The following TRIP12 variants were observed in gnomAD, a reference collection of about 807,000 sequenced individuals.
TRIP12 encodes the protein thyroid hormone receptor interactor 12, also known as E3 ubiquitin-protein ligase TRIP12.
Under a neutral mutation model 244.2 loss-of-function variants are expected in TRIP12, and 25 were observed. The ratio of observed to expected loss-of-function variants is 0.10; its 90% CI spans 0.07 to 0.14. The LOEUF is 0.14. TRIP12 is among the 10% of genes least tolerant of loss of function. The pLI, the probability that TRIP12 is intolerant of heterozygous loss-of-function variation, is 1.00. For missense variants in TRIP12, 1,677 were observed against 2,486.4 expected (o/e 0.67, Z 6.92); for synonymous variants, 905 against 873.1 (o/e 1.04, Z -0.64).
intron 8 of TRIP12, among the ~76,000 whole-genome samples, chr2:229,824,965 A>G (rs1004912195): frequency 1.3e-5 from 2 of 152,230 alleles, no homozygotes; most frequent in African/African-American, 4.8e-5. Flanking sequence ...CAGTCCCTAA[A>G]AATCAGAAGC....
Position 229,859,053 on chromosome 2 carries a change from G to C in TRIP12, c.746C>G (p.Ser249Cys), listed in dbSNP as rs1415095924. ...AGTGGAGGAGGCCGAGGCTACAGCA[G>C]AAGACGAGGAGGAAGTAGAGGCAGC... ...SSAASTSSSS[S>C]AVASASSTVP... The change falls in exon 4 of 42, where the codon TCT becomes TGT. Residue 249 changes from serine to cysteine, a missense_variant. Coordinates refer to ENST00000675903, the MANE Select transcript of TRIP12 (RefSeq NM_001348323.3). The C allele has an allele frequency of 1.2e-6, 2 of 1,614,204 alleles. No homozygotes were observed. Among genetic ancestry groups the C allele is most frequent in the Admixed American group, 1.7e-5 (1 of 60,018 alleles).
intron 34 of TRIP12, among the ~76,000 whole-genome samples, chr2:229,783,413 G>C (rs148178629): frequency 4.6e-5 from 7 of 152,216 alleles, no homozygotes; most frequent in Non-Finnish European, 8.8e-5. Flanking sequence ...TACAATAATC[G>C]TAAGTGATTT....
chr2:229,832,640 A>T (rs2053745177), intron 6 of TRIP12, among the ~76,000 whole-genome samples: 1 of 152,240 alleles, frequency 6.6e-6, no homozygotes, highest in Non-Finnish European at 1.5e-5. Flanking sequence ...ATCATCATGC[A>T]CATAAGGAAA....
rs562352105 is a variant in TRIP12, at chr2:229,808,327, T to C, written c.2264A>G (p.Asn755Ser). ...ATCAATCTGTTCCTGACAACTTCCA[T>C]TGGAGGCACCACACAGGAGAAAGTG... ...TLHFLLCGAS[N>S]GSCQEQIDLV... The change falls in exon 16 of 42, where the codon AAT becomes AGT. Residue 755 changes from asparagine (N) to serine (S), a missense_variant. Transcript: ENST00000675903. 44 of 1,613,646 alleles carry C rather than the reference T, an allele frequency of 2.7e-5. No individual in the cohort carries two copies. The highest frequency in any genetic ancestry group is 6.7e-5 in the East Asian group (3 of 44,896).
At chr2:229,849,477 G>A (rs895689990) in intron 4 of TRIP12, among the ~76,000 whole-genome samples, 13 of 151,850 alleles carry the variant, frequency 8.6e-5, no homozygotes, top group African/African-American at 2.9e-4. Flanking sequence ...ATCAACAAAG[G>A]GACATATAAA....
At chr2:229,821,693 C>T (rs1046649353) in intron 8 of TRIP12, among the ~76,000 whole-genome samples, 1 of 152,030 alleles carries the variant, frequency 6.6e-6, no homozygotes, top group Non-Finnish European at 1.5e-5. Flanking sequence ...AGTATAAAAA[C>T]AAGCAGGAGC....
At chr2:229,827,279 C>CAAAAAAAAAAAAAAAAAAAA (rs944363768) in intron 8 of TRIP12, among the ~76,000 whole-genome samples, 1 of 122,298 alleles carries the variant, frequency 8.2e-6, no homozygotes, top group South Asian at 2.5e-4. Flanking sequence ...AACTCCGTCT[C>CAAAAAAAAAAAAAAAAAAAA]AAAAAAAAAA....
chr2:229,811,312 A>C, intron 13 of TRIP12, 108 bp from the exon 14 acceptor site: 39 of 1,118,486 alleles, frequency 3.5e-5, no homozygotes, highest in South Asian at 4.6e-5. Context: ...AGGCAAGCTC[A>C]ATTAGTAAAT....
intron 34 of TRIP12, among the ~76,000 whole-genome samples, chr2:229,783,529 T>C (rs2154251140): frequency 6.6e-6 from 1 of 152,302 alleles, no homozygotes; most frequent in East Asian, 1.9e-4. Context: ...AAGAACAGTA[T>C]CATTTTCAGC....
chr2:229,863,921 G>A (rs1398412826), intron 2 of TRIP12, among the ~76,000 whole-genome samples: 1 of 151,348 alleles, frequency 6.6e-6, no homozygotes, highest in East Asian at 1.9e-4. Flanking sequence ...TTGTAGAACA[G>A]TATAGTAAAA....
intron 26 of TRIP12, among the ~76,000 whole-genome samples, chr2:229,794,601 C>A (rs968390972): frequency 1.3e-5 from 2 of 151,884 alleles, no homozygotes; most frequent in Admixed American, 1.3e-4. Context: ...AAATAAAAAC[C>A]AAACAAATTT....
chr2:229,908,540 C>A (rs914212498), intron 1 of TRIP12, among the ~76,000 whole-genome samples: 23 of 151,020 alleles, frequency 1.5e-4, no homozygotes, highest in Admixed American at 1.4e-3. Context: ...ATCAGGAGAT[C>A]AAGACCATGG....
chr2:229,824,976 A>C (rs948605453), intron 8 of TRIP12, among the ~76,000 whole-genome samples: 1 of 152,252 alleles, frequency 6.6e-6, no homozygotes, highest in Non-Finnish European at 1.5e-5. Flanking sequence ...AATCAGAAGC[A>C]AAATGAAGTA....
chr2:229,850,222 T>C (rs899653854), intron 4 of TRIP12, among the ~76,000 whole-genome samples: 7 of 152,220 alleles, frequency 4.6e-5, no homozygotes, highest in South Asian at 2.1e-4. Flanking sequence ...AAGCAAAGCC[T>C]TGTTAACAAA....
chr2:229,816,551 T>C (rs2048547702), intron 9 of TRIP12, among the ~76,000 whole-genome samples: 1 of 152,146 alleles, frequency 6.6e-6, no homozygotes, highest in South Asian at 2.1e-4. Context: ...ATAAATAATA[T>C]TCAACTGTGA....
At chr2:229,885,101 G>A (rs568147111) in intron 1 of TRIP12, among the ~76,000 whole-genome samples, 2 of 152,266 alleles carry the variant, frequency 1.3e-5, no homozygotes, top group African/African-American at 4.8e-5. Flanking sequence ...TTCTATGTTT[G>A]GATATTTTTA....
intron 1 of TRIP12, among the ~76,000 whole-genome samples, chr2:229,904,189 G>A (rs2071949045): frequency 6.6e-6 from 1 of 152,128 alleles, no homozygotes; most frequent in South Asian, 2.1e-4. Context: ...TGGCCAAGGA[G>A]GATGGATCAC....
intron 4 of TRIP12, among the ~76,000 whole-genome samples, chr2:229,841,818 G>C (rs1223989566): frequency 6.6e-6 from 1 of 152,106 alleles, no homozygotes; most frequent in East Asian, 1.9e-4. Flanking sequence ...TTTTAATTTT[G>C]CTGATTTCAT....
At chr2:229,777,521 C>T (rs765778147) in intron 36 of TRIP12, 42 bp from the exon 37 acceptor site, 3 of 1,603,256 alleles carry the variant, frequency 1.9e-6, no homozygotes, top group Middle Eastern at 3.3e-4. Context: ...TCACACTGAA[C>T]TTCCAGCATT....
Sources: gnomAD v4.1 joint callset for allele counts (sites outside exome capture counted in the v4.1 genomes callset) on GRCh38, gnomAD v4.1.1 for gene constraint, MANE v1.5 for transcripts, NCBI Gene and HGNC (gene_info 2026-07-23, HGNC 2026-07-21) for gene names.